Variants in DPP6 observed in about 807,000 individuals in gnomAD.
DPP6 encodes A-type potassium channel modulatory protein DPP6.
A neutral mutation model predicts 122.6 loss-of-function variants in DPP6; 69 were observed. The observed-to-expected ratio is 0.56, with a 90% CI of 0.46 to 0.69. The LOEUF (loss-of-function observed/expected upper bound fraction) is 0.69, where lower values mean the gene tolerates loss of function less well. Among genes scored for constraint, DPP6 ranks in the 30% least tolerant of loss-of-function variants. The probability of loss-of-function intolerance (pLI) is 0.00; values close to 1 mark genes in which losing one functional copy is unlikely to be tolerated. For synonymous variants in DPP6, 418 were observed against 433.1 expected, an observed-to-expected ratio of 0.97 and a Z score of 0.43; for missense variants, 928 against 1,116.9, an observed-to-expected ratio of 0.83 and a Z score of 2.41.
intron 1 of DPP6, among the ~76,000 whole-genome samples, chr7:154,185,194 G>A (rs1452994111): frequency 6.6e-6 from 1 of 152,196 alleles, no homozygotes; most frequent in Non-Finnish European, 1.5e-5. Context: ...ATGCATTGTA[G>A]GCTATTAACA....
intron 3 of DPP6, among the ~76,000 whole-genome samples, chr7:154,513,352 T>A (rs59402691): frequency 0.15 from 23,364 of 152,214 alleles, 1,772 homozygotes; most frequent in Middle Eastern, 0.18. Context: ...AGAGGAGGCT[T>A]TACCAGAAAA....
chr7:154,595,025 G>A (rs1408016708), intron 5 of DPP6, among the ~76,000 whole-genome samples: 1 of 150,658 alleles, frequency 6.6e-6, no homozygotes, highest in East Asian at 2.0e-4. Flanking sequence ...TTTTTTTTTG[G>A]CATTGACGTT....
At chr7:153,931,585 A>ATAG (rs1801172177) in intron 1 of DPP6, among the ~76,000 whole-genome samples, 1 of 152,226 alleles carries the variant, frequency 6.6e-6, no homozygotes, top group Non-Finnish European at 1.5e-5. Context: ...AACTATTTAA[A>ATAG]TTCATTATTC....
At chr7:154,438,398 A>G (rs1819062297) in intron 1 of DPP6, among the ~76,000 whole-genome samples, 1 of 128,646 alleles carries the variant, frequency 7.8e-6, no homozygotes, top group South Asian at 2.8e-4. Flanking sequence ...TGAACCCAGG[A>G]GGCGGAGCTT....
chr7:154,690,626 C>T (rs547663227), intron 7 of DPP6, among the ~76,000 whole-genome samples: 17 of 152,226 alleles, frequency 1.1e-4, no homozygotes, highest in South Asian at 4.2e-4. Flanking sequence ...CAAACCACCC[C>T]CCACCCCGCA....
chr7:154,433,948 A>G (rs1244413030), intron 1 of DPP6, among the ~76,000 whole-genome samples: 3 of 152,192 alleles, frequency 2.0e-5, no homozygotes, highest in Non-Finnish European at 4.4e-5. Context: ...CATGTTGTAC[A>G]TGTTGTGACT....
the DPP6 span, among the ~76,000 whole-genome samples, chr7:153,839,596 A>G: frequency 6.6e-6 from 1 of 152,236 alleles, no homozygotes; most frequent in Non-Finnish European, 1.5e-5. Context: ...TCACAGCTGC[A>G]TGGACAGATT....
chr7:154,554,596 A>T (rs1563846553), intron 4 of DPP6, among the ~76,000 whole-genome samples: 1 of 152,234 alleles, frequency 6.6e-6, no homozygotes, highest in Non-Finnish European at 1.5e-5. Flanking sequence ...CCTCAGAAAC[A>T]TGCCTAGAAT....
chr7:154,406,169 C>G (rs1269386185), intron 1 of DPP6, among the ~76,000 whole-genome samples: 1 of 152,114 alleles, frequency 6.6e-6, no homozygotes, highest in East Asian at 1.9e-4. Flanking sequence ...TATAGGTAGT[C>G]TCACCCTTCT....
intron 1 of DPP6, among the ~76,000 whole-genome samples, chr7:154,162,750 G>A (rs1797045394): frequency 6.6e-6 from 1 of 152,110 alleles, no homozygotes; most frequent in Non-Finnish European, 1.5e-5. Context: ...TTAACACCTG[G>A]AATCTGTGCA....
chr7:154,242,677 G>T (rs1801700293), intron 1 of DPP6, among the ~76,000 whole-genome samples: 1 of 152,196 alleles, frequency 6.6e-6, no homozygotes, highest in South Asian at 2.1e-4. Context: ...CAGAACTGTG[G>T]CCTCACTGAC....
intron 5 of DPP6, among the ~76,000 whole-genome samples, chr7:154,634,201 C>T (rs919184060): frequency 2.2e-5 from 3 of 133,398 alleles, no homozygotes; most frequent in Non-Finnish European, 4.7e-5. Flanking sequence ...GTGATTTTCC[C>T]CTTCCTGAGT....
At chr7:154,252,217 T>TGC (rs754183908) in intron 1 of DPP6, among the ~76,000 whole-genome samples, 1 of 129,050 alleles carries the variant, frequency 7.7e-6, no homozygotes, top group Non-Finnish European at 1.7e-5. Context: ...ATGTCACGTG[T>TGC]GTGTGTGTGT....
At chr7:154,222,455 A>G (rs1410108960) in intron 1 of DPP6, among the ~76,000 whole-genome samples, 1 of 150,322 alleles carries the variant, frequency 6.7e-6, no homozygotes. Flanking sequence ...CAGGAGTTCG[A>G]GACTAGCCTG....
intron 5 of DPP6, among the ~76,000 whole-genome samples, chr7:154,586,896 G>A (rs1321716315): frequency 6.6e-6 from 1 of 152,214 alleles, no homozygotes; most frequent in Non-Finnish European, 1.5e-5. Context: ...GGAGCTGTGA[G>A]CCCCTCATGA....
intron 7 of DPP6, among the ~76,000 whole-genome samples, chr7:154,713,128 C>A (rs960967518): frequency 3.9e-4 from 60 of 152,360 alleles, no homozygotes; most frequent in African/African-American, 1.4e-3. Flanking sequence ...AGTCATTAAA[C>A]CTTAAAGTTC....
the DPP6 span, among the ~76,000 whole-genome samples, chr7:153,851,744 C>A: frequency 6.6e-6 from 1 of 152,026 alleles, no homozygotes; most frequent in Non-Finnish European, 1.5e-5. Context: ...TCTTTATTTG[C>A]TTTTTCTAGA....
intron 1 of DPP6, among the ~76,000 whole-genome samples, chr7:154,111,989 C>T (rs1806619131): frequency 6.6e-6 from 1 of 152,138 alleles, no homozygotes; most frequent in Non-Finnish European, 1.5e-5. Flanking sequence ...TGGGCAGAGA[C>T]TGGGTAACAG....
At position 154,824,109 on chromosome 7, in the gene DPP6, A is replaced by C. The variant is rs141523681; in HGVS notation, c.1666+16997A>C. Among the ~76,000 whole-genome samples the C allele has an allele frequency of 1.9e-3, 287 of 152,310 alleles. 2 individuals are homozygous for C. Among genetic ancestry groups the C allele is most frequent in the Middle Eastern group, 6.8e-3 (2 of 294 alleles). On this transcript the variant is annotated intron_variant, in intron 16 of 25. Transcript: ENST00000377770. ...TGAAAAGTCTGTTTCTTAGTTGTAG[A>C]TCAGGAAACAGTGCTGCTTGACTAG...
Sources: gnomAD v4.1 joint callset for allele counts (sites outside exome capture counted in the v4.1 genomes callset) on GRCh38, gnomAD v4.1.1 for gene constraint, MANE v1.5 for transcripts, NCBI Gene and HGNC (gene_info 2026-07-23, HGNC 2026-07-21) for gene names.